The following NR6A1 variants were observed in gnomAD, a reference collection of about 807,000 sequenced individuals.
NR6A1 encodes nuclear receptor subfamily 6 group A member 1.
A neutral mutation model predicts 59.1 loss-of-function variants in NR6A1; 7 were observed. The observed-to-expected ratio is 0.12, with a 90% CI of 0.07 to 0.22. NR6A1 has a LOEUF of 0.22. Among genes scored for constraint, NR6A1 ranks in the 10% least tolerant of loss-of-function variants. The probability of loss-of-function intolerance (pLI) is 1.00; values close to 1 mark genes in which losing one functional copy is unlikely to be tolerated. For synonymous variants in NR6A1, 243 were observed against 236.1 expected, an observed-to-expected ratio of 1.03 and a Z score of -0.27; for missense variants, 468 against 611.6, an observed-to-expected ratio of 0.77 and a Z score of 2.48.
chr9:124,710,893 C>T (rs2131071096), intron 2 of NR6A1, among the ~76,000 whole-genome samples: 1 of 152,220 alleles, frequency 6.6e-6, no homozygotes. Flanking sequence ...TTGCTTTACT[C>T]TTCAATTACA....
chr9:124,712,921 G>A (rs1353805498), intron 2 of NR6A1, among the ~76,000 whole-genome samples: 1 of 151,954 alleles, frequency 6.6e-6, no homozygotes, highest in Non-Finnish European at 1.5e-5. Flanking sequence ...CACCACTCAT[G>A]ATAAAAAAAA....
At chr9:124,769,286 CATT>C (rs1841039004) in intron 1 of NR6A1, among the ~76,000 whole-genome samples, 1 of 150,762 alleles carries the variant, frequency 6.6e-6, no homozygotes, top group Non-Finnish European at 1.5e-5. Context: ...GAAAACACAT[CATT>C]ATTTTTAAGA....
chr9:124,549,107 A>C (rs995938284), intron 3 of NR6A1, among the ~76,000 whole-genome samples: 29 of 152,266 alleles, frequency 1.9e-4, no homozygotes, highest in African/African-American at 7.0e-4. Flanking sequence ...TTATGGCAGA[A>C]GGCATGCAAA....
intron 1 of NR6A1, among the ~76,000 whole-genome samples, chr9:124,766,914 A>T (rs1840950078): frequency 6.6e-6 from 1 of 152,210 alleles, no homozygotes; most frequent in African/African-American, 2.4e-5. Context: ...GAAGTGGTAA[A>T]TCTTCCCACT....
At chr9:124,655,610 A>G (rs1837236224) in intron 2 of NR6A1, among the ~76,000 whole-genome samples, 1 of 152,248 alleles carries the variant, frequency 6.6e-6, no homozygotes, top group Non-Finnish European at 1.5e-5. Flanking sequence ...GTAACAGGAA[A>G]GATGAACCCA....
At chr9:124,536,783 TG>T (rs1339737964) in intron 6 of NR6A1, among the ~76,000 whole-genome samples, 4 of 152,160 alleles carry the variant, frequency 2.6e-5, no homozygotes, top group Non-Finnish European at 5.9e-5. Flanking sequence ...GTTCTGGCAA[TG>T]GAACTCTAAT....
chr9:124,521,936 A>C lies in NR6A1; in HGVS notation c.*769T>G, dbSNP rs904923211. On this transcript the variant is annotated 3_prime_UTR_variant, in exon 10 of 10. Coordinates refer to ENST00000487099, the MANE Select transcript of NR6A1 (RefSeq NM_033334.4). Reference sequence around the variant, plus strand: ...GATTGCCAGGACTTTGCCTAGATGGAAAGTTCGCAGTGGTAGACAATGATG... The same window carrying C: ...GATTGCCAGGACTTTGCCTAGATGGCAAGTTCGCAGTGGTAGACAATGATG... 1.3e-5 allele frequency: 2 copies of C among 152,162 alleles called. No homozygotes were observed. Among genetic ancestry groups the C allele is most frequent in the African/African-American group, 4.8e-5 (2 of 41,394 alleles). The allele number at this position is 152,162 out of a possible 1,614,324, so 9.4% of individuals were successfully genotyped here. A position where few individuals can be genotyped will look rare whatever the true frequency, so the allele number is the denominator to read the frequency against.
chr9:124,751,418 A>G (rs1840495987), intron 1 of NR6A1, among the ~76,000 whole-genome samples: 1 of 152,218 alleles, frequency 6.6e-6, no homozygotes, highest in African/African-American at 2.4e-5. Context: ...TAGAGCACAT[A>G]TGAGCTTGAC....
chr9:124,589,410 C>T (rs1000483381), intron 2 of NR6A1, among the ~76,000 whole-genome samples: 1 of 152,190 alleles, frequency 6.6e-6, no homozygotes, highest in Non-Finnish European at 1.5e-5. Flanking sequence ...AGCACCACTG[C>T]ACTCCGGCCT....
chr9:124,707,661 G>C (rs567265183), intron 2 of NR6A1, among the ~76,000 whole-genome samples: 5 of 152,212 alleles, frequency 3.3e-5, no homozygotes, highest in African/African-American at 9.6e-5. Flanking sequence ...TGGTGGTGAT[G>C]ATGAGTTGTT....
At position 124,643,124 on chromosome 9, in the gene NR6A1, C is replaced by T. The variant is rs942221267; in HGVS notation, c.143-88554G>A. On this transcript the variant is annotated intron_variant, in intron 2 of 9. Coordinates refer to ENST00000487099, the MANE Select transcript of NR6A1 (RefSeq NM_033334.4). ...GGTGGGGGGGGGGAACAAAAACAAG[C>T]TAAAAGACATGACTGACAATGAATA... Among the ~76,000 whole-genome samples, 10 of 151,378 alleles carry T rather than the reference C, an allele frequency of 6.6e-5. 1 individual carries two copies. The highest frequency in any genetic ancestry group is 1.9e-4 in the African/African-American group (8 of 41,202).
intron 3 of NR6A1, among the ~76,000 whole-genome samples, chr9:124,549,762 C>G (rs1034922321): frequency 6.6e-6 from 1 of 152,094 alleles, no homozygotes; most frequent in Admixed American, 6.6e-5. Flanking sequence ...TTCCCATACA[C>G]CCTCCTCCTT....
intron 2 of NR6A1, chr9:124,595,743 C>G: frequency 7.8e-7 from 1 of 1,273,940 alleles, no homozygotes; most frequent in Non-Finnish European, 1.0e-6. Flanking sequence ...CCAGACTGTT[C>G]CTTACCTTCC....
intron 9 of NR6A1, among the ~76,000 whole-genome samples, chr9:124,523,766 A>G (rs1832858063): frequency 6.6e-6 from 1 of 152,202 alleles, no homozygotes; most frequent in Non-Finnish European, 1.5e-5. Flanking sequence ...AGAAATAGAA[A>G]AAAAAATTCC....
chr9:124,684,135 T>A (rs186109481), intron 2 of NR6A1, among the ~76,000 whole-genome samples: 3 of 152,280 alleles, frequency 2.0e-5, no homozygotes, highest in Admixed American at 2.0e-4. Context: ...AATAGGGAGA[T>A]GTGCTAGGTA....
At chr9:124,533,077 C>A (rs1474571271) in intron 7 of NR6A1, among the ~76,000 whole-genome samples, 1 of 152,112 alleles carries the variant, frequency 6.6e-6, no homozygotes, top group Non-Finnish European at 1.5e-5. Flanking sequence ...TGCCAGTGAC[C>A]CCTGCCTGCC....
chr9:124,642,105 G>A (rs1398591713), intron 2 of NR6A1, among the ~76,000 whole-genome samples: 2 of 152,094 alleles, frequency 1.3e-5, no homozygotes, highest in Non-Finnish European at 2.9e-5. Flanking sequence ...CCGGACTGCA[G>A]TGGCGCGATC....
intron 2 of NR6A1, among the ~76,000 whole-genome samples, chr9:124,709,039 T>G (rs762334556): frequency 6.6e-6 from 1 of 152,174 alleles, no homozygotes; most frequent in Non-Finnish European, 1.5e-5. Context: ...CAAGCATCAA[T>G]TAATACCTGG....
At chr9:124,692,675 C>T (rs1838596162) in intron 2 of NR6A1, 1 of 255,584 alleles carries the variant, frequency 3.9e-6, no homozygotes, top group African/African-American at 2.3e-5. Context: ...CTACTGCTCA[C>T]TGTTCCTTGC....
Sources: allele counts gnomAD v4.1 joint callset (sites outside exome capture counted in the v4.1 genomes callset), GRCh38; gene constraint gnomAD v4.1.1; transcripts MANE v1.5; gene names NCBI Gene and HGNC (gene_info 2026-07-23, HGNC 2026-07-21).